SEC24C: variants seen among roughly 807,000 people sequenced by gnomAD.
SEC24C encodes protein transport protein Sec24C.
In SEC24C, 22 loss-of-function variants were observed where a neutral mutation model predicts 117.0. That is an observed-to-expected ratio of 0.19 (90% CI 0.13 to 0.27). The LOEUF is 0.27. Among genes scored for constraint, SEC24C ranks in the 10% least tolerant of loss-of-function variants. The pLI, the probability that SEC24C is intolerant of heterozygous loss-of-function variation, is 1.00. For missense variants in SEC24C, 1,155 were observed against 1,375.1 expected, an observed-to-expected ratio of 0.84 and a Z score of 2.53; for synonymous variants, 506 against 529.4, an observed-to-expected ratio of 0.96 and a Z score of 0.61.
intron 3 of SEC24C, among the ~76,000 whole-genome samples, chr10:73,754,931 C>G (rs1246337142): frequency 1.3e-5 from 2 of 151,820 alleles, no homozygotes; most frequent in South Asian, 4.2e-4. Context: ...CTCAGGAGTT[C>G]GAGACAAGCC....
chr10:73,747,877 T>C (rs926694668), intron 2 of SEC24C, among the ~76,000 whole-genome samples: 4 of 152,032 alleles, frequency 2.6e-5, no homozygotes, highest in Non-Finnish European at 5.9e-5. Context: ...CAGGCTGGTC[T>C]TGAACTCCCA....
intron 7 of SEC24C, 97 bp downstream of exon 7, chr10:73,763,698 T>TTA: frequency 5.4e-6 from 4 of 747,220 alleles, no homozygotes; most frequent in Non-Finnish European, 3.9e-6. Flanking sequence ...TTTTTTTTTT[T>TTA]TAGTTTTTAA....
rs1258272464 is a variant in SEC24C, at chr10:73,751,259, A to G, written c.308+16A>G. On this transcript the variant is annotated intron_variant, in intron 3 of 22. Transcript: ENST00000345254. ...AGATGCAAAGGTAGGTACTTGGTCAATCTAAAATTGGTCTGATGAGGCTGA... is the reference window on the plus strand; with the variant it reads ...AGATGCAAAGGTAGGTACTTGGTCAGTCTAAAATTGGTCTGATGAGGCTGA... 1.2e-6 allele frequency: 2 copies of G among 1,607,190 alleles called. No homozygotes were observed. Among genetic ancestry groups the G allele is most frequent in the South Asian group, 1.1e-5 (1 of 90,750 alleles).
chr10:73,762,037 C>G (rs549263233), intron 6 of SEC24C: 341 of 1,162,530 alleles, frequency 2.9e-4, no homozygotes, highest in Non-Finnish European at 3.4e-4. Flanking sequence ...ACATCTGCCT[C>G]TTGTTCTTTT....
At chr10:73,755,407 G>A (rs1319586612) in intron 3 of SEC24C, among the ~76,000 whole-genome samples, 1 of 152,166 alleles carries the variant, frequency 6.6e-6, no homozygotes, top group Non-Finnish European at 1.5e-5. Context: ...GCCAGGCGCG[G>A]TGGCTCATGC....
At chr10:73,750,692 G>A (rs542194881) in intron 2 of SEC24C, among the ~76,000 whole-genome samples, 4 of 152,334 alleles carry the variant, frequency 2.6e-5, no homozygotes, top group East Asian at 1.9e-4. Flanking sequence ...GCCTAGTTCC[G>A]TATATTACTT....
intron 2 of SEC24C, 102 bp downstream of exon 2, chr10:73,747,106 A>G (rs11000764): frequency 0.14 from 154,266 of 1,128,558 alleles, 11,157 homozygotes; most frequent in South Asian, 0.2. Flanking sequence ...AAGTTTGGAT[A>G]ACTGGGATTG....
Position 73,769,943 on chromosome 10 carries a change from T to C in SEC24C, c.2790T>C (p.Tyr930=). ...AAGTCACTACTGATGACCGTGCCTA[T>C]GTCCGACAGCTAGTTACCTCCATGG... is the stretch of plus-strand genomic sequence containing the variant. ...GAEVTTDDRA[Y]VRQLVTSMDV... is the part of the protein sequence containing the mutation. The change falls in exon 20 of 23, where the codon TAT becomes TAC. Residue 930 remains tyrosine (Y), a synonymous_variant. Transcript: ENST00000345254. The surrounding 1 kb of genome is among the most constrained non-coding windows in gnomAD (Gnocchi z 4.5). The C allele has an allele frequency of 6.2e-7, 1 of 1,614,220 alleles. No homozygotes were observed. The highest frequency in any genetic ancestry group is 8.5e-7 in the Non-Finnish European group (1 of 1,180,020).
intron 3 of SEC24C, among the ~76,000 whole-genome samples, chr10:73,752,573 G>A (rs548046409): frequency 1.0e-3 from 153 of 152,308 alleles, no homozygotes; most frequent in African/African-American, 3.3e-3. Flanking sequence ...AGTCAAACAA[G>A]TGGGGTACAT....
In SEC24C at chr10:73,769,340, C is replaced by T. The variant is rs995515374; in HGVS notation, c.2425-7C>T. 6.2e-7 allele frequency: 1 copy of T among 1,613,636 alleles called. No individual in the cohort carries two copies. Among genetic ancestry groups the T allele is most frequent in the South Asian group, 1.1e-5 (1 of 90,934 alleles). ...GGTGTGAGTTCCCCCTTTCTCCTTT[C>T]CCCTAGTGTGCCCTGCTTTACACCA... is the stretch of plus-strand genomic sequence containing the variant. On this transcript the variant is annotated splice_polypyrimidine_tract_variant and splice_region_variant and intron_variant, in intron 17 of 22. Transcript: ENST00000345254. This position sits in a 1 kb window ranked among gnomAD's most constrained non-coding sequence, Gnocchi z 4.5.
intron 1 of SEC24C, among the ~76,000 whole-genome samples, chr10:73,746,396 C>G (rs912344836): frequency 6.6e-6 from 1 of 152,184 alleles, no homozygotes; most frequent in Non-Finnish European, 1.5e-5. Context: ...TCGATGTTTG[C>G]TGAATGAATG....
At position 73,765,519 on chromosome 10, in the gene SEC24C, G is replaced by A. The variant is rs369857370; in HGVS notation, c.1296G>A (p.Met432Ile). ...PLRCNRCKAY[M>I]CPFMQFIEGG... ...GCTGCAACCGCTGCAAAGCATACAT[G>A]TGTCCCTTCATGCAGTTCATTGAAG... Residue 432 changes from methionine to isoleucine, a missense_variant, in exon 9 of 23, where the codon ATG becomes ATA. Met to Ile is a conservative substitution (Grantham distance 10). Transcript: ENST00000345254. 5.1e-5 allele frequency: 83 copies of A among 1,614,042 alleles called. No homozygotes were observed. Among genetic ancestry groups the A allele is most frequent in the Non-Finnish European group, 5.9e-5 (70 of 1,180,012 alleles).
At chr10:73,763,180 T>G (rs2082823593) in intron 6 of SEC24C, among the ~76,000 whole-genome samples, 1 of 152,158 alleles carries the variant, frequency 6.6e-6, no homozygotes, top group African/African-American at 2.4e-5. Context: ...GCTGGGGCTT[T>G]TCCTGGAATG....
In SEC24C at chr10:73,763,865, G is replaced by A. The variant is rs751060033; in HGVS notation, c.1109G>A (p.Ser370Asn). 41 of 1,613,256 alleles carry A rather than the reference G, an allele frequency of 2.5e-5. No homozygotes were observed. Among genetic ancestry groups the A allele is most frequent in the Non-Finnish European group, 3.4e-5 (40 of 1,179,788 alleles). Residue 370 changes from serine to asparagine, a missense_variant, in exon 8 of 23, where the codon AGT becomes AAT. By Grantham distance (46) the Ser-to-Asn change is conservative (BLOSUM62 1). Transcript: ENST00000345254. The stretch of plus-strand genomic sequence containing the variant: ...CTGCCTCCTTCTTCAGGGAATGCAA[G>A]TCCCCGATACATCCGATGTACATCC... ...NFLVKDQGNA[S>N]PRYIRCTSYN...
chr10:73,750,716 G>A (rs1030885259), intron 2 of SEC24C, among the ~76,000 whole-genome samples: 1 of 152,214 alleles, frequency 6.6e-6, no homozygotes, highest in African/African-American at 2.4e-5. Flanking sequence ...CATCTTCTGA[G>A]TCTCCTTTTT....
In SEC24C at chr10:73,770,310, C is replaced by A. The variant is rs1337457101; in HGVS notation, c.2893C>A (p.Pro965Thr). 6.2e-7 allele frequency: 1 copy of A among 1,612,752 alleles called. No individual in the cohort carries two copies. The highest frequency in any genetic ancestry group is 1.7e-5 in the Admixed American group (1 of 59,724). ...TKSPVESTTE[P>T]PAVRASEERL... ...GTCTCCCGTTGAGAGTACTACCGAA[C>A]CACCAGCAGTTCGAGCCTCTGAAGA... The change falls in exon 21 of 23, where the codon CCA becomes ACA. Residue 965 changes from proline (P) to threonine (T), a missense_variant. Pro to Thr is a conservative substitution (Grantham distance 38, BLOSUM62 -1). Coordinates refer to ENST00000345254, the MANE Select transcript of SEC24C (RefSeq NM_198597.3).
intron 3 of SEC24C, among the ~76,000 whole-genome samples, chr10:73,755,362 G>C (rs1254167883): frequency 6.6e-6 from 1 of 152,038 alleles, no homozygotes; most frequent in African/African-American, 2.4e-5. Context: ...TAGAGATAAA[G>C]AAAACTACCC....
In SEC24C at chr10:73,771,041, T is replaced by G. The variant is rs2082973409; in HGVS notation, c.3231T>G (p.Ser1077=). 6.2e-7 allele frequency: 1 copy of G among 1,614,062 alleles called. No individual in the cohort carries two copies. ...ACAAGAGTCTGAGTGGGGGAGCATC[T>G]TATGTGGACTTTCTCTGTCATATGC... The part of the protein sequence containing the change: ...VEDKSLSGGA[S]YVDFLCHMHK... Residue 1077 remains serine (S), a synonymous_variant, in exon 23 of 23, where the codon TCT becomes TCG. Transcript: ENST00000345254.
intron 15 of SEC24C, among the ~76,000 whole-genome samples, 157 bp from the exon 16 acceptor site, chr10:73,768,653 A>C (rs926436787): frequency 6.6e-6 from 1 of 152,210 alleles, no homozygotes; most frequent in African/African-American, 2.4e-5. Flanking sequence ...ATGCAGTCTA[A>C]GTGTTTAAAA....
Sources: allele counts gnomAD v4.1 joint callset (sites outside exome capture counted in the v4.1 genomes callset), GRCh38; gene constraint gnomAD v4.1.1; non-coding constraint Gnocchi (gnomAD v3.1); transcripts MANE v1.5; gene names NCBI Gene and HGNC (gene_info 2026-07-23, HGNC 2026-07-21).